Variants in ZAN observed in about 807,000 individuals in gnomAD.
ZAN encodes zonadhesin, also known as zonadhesin (gene/pseudogene).
In ZAN, 260 loss-of-function variants were observed where a neutral mutation model predicts 286.2. The ratio of observed to expected loss-of-function variants is 0.91; its 90% CI spans 0.82 to 1.01. ZAN has a LOEUF of 1.01. ZAN is among the 50% of genes least tolerant of loss of function. ZAN has a pLI of 0.00. For synonymous variants in ZAN, 1,368 were observed against 1,417.5 expected, an observed-to-expected ratio of 0.97 and a Z score of 0.79; for missense variants, 3,410 against 3,639.2, an observed-to-expected ratio of 0.94 and a Z score of 1.62.
rs757015084 is a variant in ZAN, at chr7:100,788,036, G to A, written c.7127G>A (p.Arg2376His). 4.5e-6 allele frequency: 7 copies of A among 1,567,586 alleles called. No individual in the cohort carries two copies. Among genetic ancestry groups the A allele is most frequent in the Middle Eastern group, 3.4e-4 (2 of 5,832 alleles). ...GTGGAGCCCCTCCTCGTGGAAGGAC[G>A]CAACAAGATGGATCCGCCCAGGAGC... ...EGVEPLLVEG[R>H]NKMDPPRSSI... Residue 2376 changes from arginine (R) to histidine (H), a missense_variant, in exon 38 of 48, where the codon CGC becomes CAC. Physicochemically the swap from Arg to His is conservative, Grantham distance 29. Transcript: ENST00000613979.
chr7:100,785,799 C>A (rs1454776798), intron 36 of ZAN, among the ~76,000 whole-genome samples, 198 bp from the exon 37 acceptor site: 1 of 152,062 alleles, frequency 6.6e-6, no homozygotes, highest in Non-Finnish European at 1.5e-5. Context: ...GCTGGGATTA[C>A]AAGTGTGTGC....
At chr7:100,754,351 C>A (rs1046811970) in intron 14 of ZAN, among the ~76,000 whole-genome samples, 6 of 151,372 alleles carry the variant, frequency 4.0e-5, no homozygotes, top group African/African-American at 1.2e-4. Flanking sequence ...CCCAGCTACT[C>A]CGGAGGCTGA....
chr7:100,766,788 G>T (rs746878965), intron 24 of ZAN, 122 bp downstream of exon 24: 12 of 1,439,922 alleles, frequency 8.3e-6, no homozygotes, highest in Non-Finnish European at 1.1e-5. Context: ...GGGAGGGGCA[G>T]CAGGGGCAGC....
Position 100,779,762 on chromosome 7 carries a change from C to T in ZAN, c.6622+12C>T. 1 of 1,544,150 alleles carries T rather than the reference C, an allele frequency of 6.5e-7. No individual in the cohort carries two copies. The highest frequency in any genetic ancestry group is 8.7e-7 in the Non-Finnish European group (1 of 1,144,430). On this transcript the variant is annotated intron_variant, in intron 35 of 47. Coordinates refer to ENST00000613979, the MANE Select transcript of ZAN (RefSeq NM_003386.3). ...CAGCAGCTTCTGCCGTGAGTGTGCC[C>T]TGCTGTCACCCCAAACCCCTCCCAA...
chr7:100,775,233 T>C, intron 31 of ZAN, 95 bp from the exon 32 acceptor site: 1 of 1,494,958 alleles, frequency 6.7e-7, no homozygotes, highest in Non-Finnish European at 8.9e-7. Flanking sequence ...TCTTGACTCT[T>C]TTCTGGAAGG....
In ZAN at chr7:100,797,565, C is replaced by T. The variant is rs1341500080; in HGVS notation, c.8367-12C>T. ...ACTTGGGGACCCATGTCTATTCCCCCATGCCTTCTAGAGAGAAAACGCAGG... is the reference window on the plus strand; with the variant it reads ...ACTTGGGGACCCATGTCTATTCCCCTATGCCTTCTAGAGAGAAAACGCAGG... On this transcript the variant is annotated splice_polypyrimidine_tract_variant and intron_variant, in intron 46 of 47. Transcript: ENST00000613979. The T allele has an allele frequency of 6.2e-7, 1 of 1,613,916 alleles. No individual in the cohort carries two copies. The highest frequency in any genetic ancestry group is 1.1e-5 in the South Asian group (1 of 91,070).
chr7:100,785,579 C>T (rs1373635928), intron 36 of ZAN, among the ~76,000 whole-genome samples: 1 of 151,982 alleles, frequency 6.6e-6, no homozygotes, highest in East Asian at 1.9e-4. Context: ...CTGCCTCTGG[C>T]CAGCATCAAT....
In ZAN at chr7:100,797,433, CAG is replaced by C. The variant is rs774098204; in HGVS notation, c.8339_8340del (p.Glu2780ValfsTer55). On this transcript the variant is annotated frameshift_variant, in exon 46 of 48. Coordinates refer to ENST00000613979, the MANE Select transcript of ZAN (RefSeq NM_003386.3). LOFTEE classifies it high-confidence loss of function. ...TGGTGGTCGTACTACTGGCCGTGAC[CAG>C]AGAGTGCATTTACAGAACGAGGAGG... ...PVVVVLLAVT[R>X]ECIYRTRRKR... 4 of 1,613,758 alleles carry C rather than the reference CAG, an allele frequency of 2.5e-6. No homozygotes were observed. In the African/African-American group the frequency reaches 5.3e-5, roughly 22 times the overall value.
At chr7:100,791,136 GGC>G (rs1811927963) in intron 40 of ZAN, 23 bp downstream of exon 40, 1 of 1,600,588 alleles carries the variant, frequency 6.2e-7, no homozygotes, top group Non-Finnish European at 8.5e-7. Flanking sequence ...GAAGGGATGA[GGC>G]GGGGGAGGTG....
intron 17 of ZAN, among the ~76,000 whole-genome samples, chr7:100,759,265 G>T (rs1809371925): frequency 6.6e-6 from 1 of 151,998 alleles, no homozygotes; most frequent in African/African-American, 2.4e-5. Flanking sequence ...AATCAGCTGG[G>T]TATGGTGGGA....
At chr7:100,751,302 T>G in intron 13 of ZAN, 36 bp downstream of exon 13, 1 of 1,470,722 alleles carries the variant, frequency 6.8e-7, no homozygotes, top group Non-Finnish European at 9.1e-7. Context: ...AAGGGGGCGG[T>G]GCCCTGAGGT....
intron 28 of ZAN, among the ~76,000 whole-genome samples, chr7:100,771,367 C>T (rs1270844359): frequency 1.3e-5 from 2 of 151,924 alleles, no homozygotes; most frequent in Admixed American, 6.6e-5. Context: ...CCACCATGGC[C>T]GGCTAATTTT....
chr7:100,767,295 C>G lies in ZAN; in HGVS notation c.4860+38C>G. 1.9e-6 allele frequency: 3 copies of G among 1,580,510 alleles called. No individual in the cohort carries two copies. In the South Asian group the frequency reaches 3.4e-5, roughly 18 times the overall value. ...CTCCTGCCTCCTGGACCCTGAACACCCAGCCTGCTTGCTTCTCTCCTGTGC... is the reference window on the plus strand; with the variant it reads ...CTCCTGCCTCCTGGACCCTGAACACGCAGCCTGCTTGCTTCTCTCCTGTGC... On this transcript the variant is annotated intron_variant, in intron 25 of 47. Transcript: ENST00000613979.
rs1807239959 is a variant in ZAN, at chr7:100,735,565, AAAAG to A, written c.54-151_54-148del. On this transcript the variant is annotated intron_variant, in intron 2 of 47. Coordinates refer to ENST00000613979, the MANE Select transcript of ZAN (RefSeq NM_003386.3). The stretch of plus-strand genomic sequence containing the variant: ...CTGGGTGCCGGAAAAAAAAAAAAAG[AAAAG>A]AAAAAAAGAAAAAAAGTCAAGTCAG... 1.3e-4 allele frequency among the ~76,000 whole-genome samples: 17 copies of A among 127,686 alleles called. 2 individuals carry two copies. The South Asian group carries it at 4.1e-3, about 31-fold the overall frequency. The allele number at this position is 127,686 out of a possible 152,430, so 83.8% of individuals were successfully genotyped here.
In ZAN at chr7:100,758,315, G is replaced by A. The variant is rs1455258270; in HGVS notation, c.3423G>A (p.Lys1141=). 4 of 1,613,168 alleles carry A rather than the reference G, an allele frequency of 2.5e-6. No individual in the cohort carries two copies. The highest frequency in any genetic ancestry group is 3.4e-6 in the Non-Finnish European group (4 of 1,179,874). Residue 1141 remains lysine (K), a synonymous_variant, in exon 16 of 48, where the codon AAG becomes AAA. Transcript: ENST00000613979. ...GGACACACACCGTGTGCCAGCTTAA[G>A]AATGGCCAGTATGGATGCCACCCCT... ...QCGTHTVCQL[K]NGQYGCHPYA... is the part of the protein sequence containing the mutation.
chr7:100,789,463 C>G, intron 39 of ZAN, 116 bp downstream of exon 39: 1 of 1,491,090 alleles, frequency 6.7e-7, no homozygotes, highest in Admixed American at 2.0e-5. Flanking sequence ...GTGGGGCACC[C>G]AGCTTCAGAG....
At position 100,795,250 on chromosome 7, in the gene ZAN, G is replaced by C. The variant is rs1451594496; in HGVS notation, c.8180G>C (p.Gly2727Ala). ...AATGACGGGCAGTGTCGGGAGCAGG[G>C]AGCCACCTTCACCTGCGAGTGTGAA... ...CQNDGQCREQ[G>A]ATFTCECEVG... The change falls in exon 45 of 48, where the codon GGA (glycine) becomes GCA (alanine). Residue 2727 changes from glycine to alanine, a missense_variant. Around this residue, in one of 7 missense-constraint regions of ZAN, gnomAD observed 1,289 missense variants for 1,314.3 expected, o/e 0.98. Transcript: ENST00000613979. The C allele has an allele frequency of 6.8e-6, 11 of 1,611,356 alleles. No individual in the cohort carries two copies. Among genetic ancestry groups the C allele is most frequent in the Middle Eastern group, 1.7e-4 (1 of 6,028 alleles).
rs1304141413 is a variant in ZAN, at chr7:100,736,582, C to T, written c.206C>T (p.Pro69Leu). ...DDEDWVRASG[P>L]SPTGSTGAPG... The stretch of plus-strand genomic sequence containing the variant: ...GAAGACTGGGTTCGAGCCAGTGGGC[C>T]CTCTCCCACCGGCTCCACCGGGGCC... Residue 69 changes from proline (P) to leucine (L), a missense_variant, in exon 4 of 48, where the codon CCC becomes CTC. Coordinates refer to ENST00000613979, the MANE Select transcript of ZAN (RefSeq NM_003386.3). The T allele has an allele frequency of 1.3e-6, 2 of 1,522,728 alleles. No homozygotes were observed. The highest frequency in any genetic ancestry group is 2.8e-5 in the African/African-American group (2 of 71,410). The allele number at this position is 1,522,728 out of a possible 1,614,324, so 94.3% of individuals were successfully genotyped here.
At chr7:100,760,316 A>G (rs1809466166) in intron 18 of ZAN, 75 bp from the exon 19 acceptor site, 5 of 1,566,616 alleles carry the variant, frequency 3.2e-6, no homozygotes, top group Admixed American at 1.7e-5. Flanking sequence ...CCTCCCAGCT[A>G]TGGAAATGAA....
Sources: allele counts gnomAD v4.1 joint callset (sites outside exome capture counted in the v4.1 genomes callset), GRCh38; gene constraint gnomAD v4.1.1; regional missense constraint gnomAD v4.1.1; transcripts MANE v1.5; gene names NCBI Gene and HGNC (gene_info 2026-07-23, HGNC 2026-07-21).